The following PLCB4 variants were observed in gnomAD, a reference collection of about 807,000 sequenced individuals.
PLCB4 encodes the protein 1-phosphatidylinositol 4,5-bisphosphate phosphodiesterase beta-4.
PLCB4 carries 77 observed loss-of-function variants against 178.8 expected under a neutral mutation model. The ratio of observed to expected loss-of-function variants is 0.43; its 90% CI spans 0.36 to 0.52. The LOEUF (loss-of-function observed/expected upper bound fraction) is 0.52, where lower values mean the gene tolerates loss of function less well. PLCB4 is among the 20% of genes least tolerant of loss of function. The pLI is 0.00. For synonymous variants in PLCB4, 496 were observed against 490.8 expected (o/e 1.01, Z -0.14); for missense variants, 1,024 against 1,453.4 (o/e 0.70, Z 4.80).
At chr20:9,222,357 C>T (rs912627755) in intron 3 of PLCB4, among the ~76,000 whole-genome samples, 3 of 151,990 alleles carry the variant, frequency 2.0e-5, no homozygotes, top group African/African-American at 2.4e-5. Context: ...CCTTTCAAAG[C>T]GCCAGGATGA....
intron 3 of PLCB4, among the ~76,000 whole-genome samples, chr20:9,241,465 G>T (rs916494611): frequency 7.2e-5 from 11 of 151,818 alleles, no homozygotes; most frequent in Non-Finnish European, 1.2e-4. Flanking sequence ...ACCAAAAGCA[G>T]AATGGGAAAC....
intron 2 of PLCB4, among the ~76,000 whole-genome samples, chr20:9,210,723 C>T (rs574064754): frequency 6.6e-6 from 1 of 152,140 alleles, no homozygotes; most frequent in Non-Finnish European, 1.5e-5. Context: ...TTCATATAAA[C>T]ATATATGTGG....
intron 38 of PLCB4, among the ~76,000 whole-genome samples, chr20:9,475,255 A>G (rs535990307): frequency 1.3e-5 from 2 of 152,368 alleles, no homozygotes; most frequent in African/African-American, 4.8e-5. Flanking sequence ...ACTCATCACT[A>G]CAATAGTGGT....
At chr20:9,157,852 A>T (rs768861670) in intron 2 of PLCB4, among the ~76,000 whole-genome samples, 124 of 152,178 alleles carry the variant, frequency 8.1e-4, no homozygotes, top group Non-Finnish European at 1.6e-3. Context: ...GAGCCTCCTG[A>T]GCCCAAGAGT....
chr20:9,359,179 G>A lies in PLCB4; in HGVS notation c.370-3717G>A, dbSNP rs2035102452. Among the ~76,000 whole-genome samples, 3 of 152,124 alleles carry A rather than the reference G, an allele frequency of 2.0e-5. No individual in the cohort carries two copies. In the South Asian group the frequency reaches 6.2e-4, roughly 32 times the overall value. ...TGTCTCTCTACGTTTGTATTTTCATGGGAAAGGGATTATTTTTGTCTATGT... is the reference window on the plus strand; with the variant it reads ...TGTCTCTCTACGTTTGTATTTTCATAGGAAAGGGATTATTTTTGTCTATGT... On this transcript the variant is annotated intron_variant, in intron 7 of 39. Transcript: ENST00000378473.
intron 2 of PLCB4, among the ~76,000 whole-genome samples, chr20:9,159,459 G>A (rs1380288820): frequency 6.6e-6 from 1 of 152,132 alleles, no homozygotes; most frequent in East Asian, 1.9e-4. Flanking sequence ...AAAATAAAGA[G>A]ATTTAGCATG....
At chr20:9,142,453 G>T (rs994692994) in intron 2 of PLCB4, among the ~76,000 whole-genome samples, 1 of 152,094 alleles carries the variant, frequency 6.6e-6, no homozygotes, top group Non-Finnish European at 1.5e-5. Context: ...AAAGATAAAG[G>T]CTGGAGGTGC....
intron 4 of PLCB4, among the ~76,000 whole-genome samples, chr20:9,319,479 A>G (rs2094935823): frequency 6.6e-6 from 1 of 152,164 alleles, no homozygotes; most frequent in South Asian, 2.1e-4. Flanking sequence ...TGGCTTACAC[A>G]ATTATGAAGG....
At chr20:9,301,542 A>T (rs1162557853) in intron 3 of PLCB4, among the ~76,000 whole-genome samples, 7 of 152,102 alleles carry the variant, frequency 4.6e-5, no homozygotes, top group African/African-American at 1.4e-4. Flanking sequence ...ACAAGACAGC[A>T]GGTTTAAAGA....
At chr20:9,242,011 G>A (rs1378444085) in intron 3 of PLCB4, among the ~76,000 whole-genome samples, 4 of 152,178 alleles carry the variant, frequency 2.6e-5, no homozygotes, top group Admixed American at 1.3e-4. Flanking sequence ...CTTGTTTGAG[G>A]CATCTGAACA....
Position 9,338,488 on chromosome 20 carries a change from T to G in PLCB4, c.226-406T>G, listed in dbSNP as rs545076267. Among the ~76,000 whole-genome samples the G allele has an allele frequency of 2.9e-3, 442 of 152,226 alleles. 4 individuals carry two copies. The highest frequency in any genetic ancestry group is 3.5e-3 in the South Asian group (17 of 4,816). ...TGAGCCCAGGAGTTTGAGACCAGCC[T>G]GGGCAACATAGTGCAACCCTGTCTC... On this transcript the variant is annotated intron_variant, in intron 6 of 39. Coordinates refer to ENST00000378473, the MANE Select transcript of PLCB4 (RefSeq NM_001377142.1).
intron 23 of PLCB4, 146 bp from the exon 24 acceptor site, chr20:9,408,911 T>A (rs2039659689): frequency 2.6e-6 from 2 of 780,012 alleles, no homozygotes; most frequent in Admixed American, 5.3e-5. Context: ...ACTGTGATCT[T>A]AAGCATCATT....
At position 9,235,357 on chromosome 20, in the gene PLCB4, G is replaced by T. The variant is rs570931273; in HGVS notation, c.-16+17905G>T. 2.0e-5 allele frequency among the ~76,000 whole-genome samples: 3 copies of T among 152,180 alleles called. No individual in the cohort carries two copies. The South Asian group carries it at 6.2e-4, about 32-fold the overall frequency. ...CACAATTGGAAGTTAAAAAGTCAAG[G>T]GTGTTGACCTCACCTGTGCTCCTGT... On this transcript the variant is annotated intron_variant, in intron 3 of 39. Transcript: ENST00000378473.
At chr20:9,440,588 C>T (rs908408325) in intron 30 of PLCB4, among the ~76,000 whole-genome samples, 2 of 152,200 alleles carry the variant, frequency 1.3e-5, no homozygotes, top group Non-Finnish European at 2.9e-5. Flanking sequence ...GCATCCTTTC[C>T]ACTACATTCT....
At chr20:9,235,721 G>A (rs986349417) in intron 3 of PLCB4, among the ~76,000 whole-genome samples, 2 of 152,338 alleles carry the variant, frequency 1.3e-5, no homozygotes, top group Admixed American at 1.3e-4. Context: ...ACATCAGGAA[G>A]TGAGTAAGAA....
intron 12 of PLCB4, among the ~76,000 whole-genome samples, chr20:9,374,218 C>T (rs993586724): frequency 6.6e-6 from 1 of 152,112 alleles, no homozygotes; most frequent in African/African-American, 2.4e-5. Context: ...AGAGAAAATC[C>T]TACCCCACAT....
intron 4 of PLCB4, among the ~76,000 whole-genome samples, chr20:9,312,369 C>T (rs940062032): frequency 2.0e-5 from 3 of 149,414 alleles, no homozygotes; most frequent in Non-Finnish European, 3.0e-5. Flanking sequence ...CACACACACA[C>T]ACACACACAC....
chr20:9,335,358 T>C (rs1171705422), intron 4 of PLCB4, among the ~76,000 whole-genome samples: 1 of 152,138 alleles, frequency 6.6e-6, no homozygotes, highest in Admixed American at 6.6e-5. Context: ...CTTGAAGTGC[T>C]CTAGCCACAC....
intron 33 of PLCB4, among the ~76,000 whole-genome samples, chr20:9,454,389 C>T (rs754737468): frequency 1.6e-4 from 24 of 152,126 alleles, no homozygotes; most frequent in Non-Finnish European, 2.6e-4. Context: ...CATGAGACCA[C>T]GCATACATTC....
Sources: gnomAD v4.1 joint callset for allele counts (sites outside exome capture counted in the v4.1 genomes callset) on GRCh38, gnomAD v4.1.1 for gene constraint, MANE v1.5 for transcripts, NCBI Gene and HGNC (gene_info 2026-07-23, HGNC 2026-07-21) for gene names.